The following KCNQ3 variants were observed in gnomAD, a reference collection of about 807,000 sequenced individuals.
KCNQ3 encodes potassium voltage-gated channel subfamily KQT member 3.
Under a neutral mutation model 92.5 loss-of-function variants are expected in KCNQ3, and 30 were observed. The ratio of observed to expected loss-of-function variants is 0.32; its 90% CI spans 0.24 to 0.44. The LOEUF (loss-of-function observed/expected upper bound fraction) is 0.44. Among genes scored for constraint, KCNQ3 ranks in the 20% least tolerant of loss-of-function variants. The pLI, the probability that KCNQ3 is intolerant of heterozygous loss-of-function variation, is 1.00. For missense variants in KCNQ3, 913 were observed against 1,140.3 expected (o/e 0.80, Z 2.87); for synonymous variants, 450 against 468.8 (o/e 0.96, Z 0.52).
intron 1 of KCNQ3, among the ~76,000 whole-genome samples, chr8:132,228,602 T>C (rs1362948845): frequency 2.0e-5 from 3 of 152,156 alleles, no homozygotes; most frequent in Admixed American, 6.5e-5. Context: ...TTAATTTTTA[T>C]TGCTATCTGA....
At chr8:132,307,925 C>T (rs1413678101) in intron 1 of KCNQ3, among the ~76,000 whole-genome samples, 1 of 152,106 alleles carries the variant, frequency 6.6e-6, no homozygotes, top group African/African-American at 2.4e-5. Flanking sequence ...TCCCTGGTGA[C>T]AGAAATGTGT....
At chr8:132,370,295 G>A (rs564540387) in intron 1 of KCNQ3, among the ~76,000 whole-genome samples, 10 of 151,976 alleles carry the variant, frequency 6.6e-5, no homozygotes, top group South Asian at 2.1e-4. Context: ...TGCTCAATGC[G>A]TGCCTGCTAA....
intron 9 of KCNQ3, among the ~76,000 whole-genome samples, chr8:132,157,641 G>GTTTTA (rs1554624953): frequency 6.6e-6 from 1 of 151,452 alleles, no homozygotes; most frequent in Non-Finnish European, 1.5e-5. Flanking sequence ...TGTAACCTGT[G>GTTTTA]TTTTATTTTA....
intron 1 of KCNQ3, among the ~76,000 whole-genome samples, chr8:132,211,075 C>A (rs1813837425): frequency 6.6e-6 from 1 of 152,226 alleles, no homozygotes; most frequent in South Asian, 2.1e-4. Flanking sequence ...AGTGTGTCTT[C>A]CATGTACTCC....
intron 1 of KCNQ3, among the ~76,000 whole-genome samples, chr8:132,296,850 A>G (rs1203187263): frequency 4.6e-5 from 7 of 151,904 alleles, no homozygotes; most frequent in African/African-American, 1.5e-4. Flanking sequence ...CAATAAACAT[A>G]CGTGTGCATG....
intron 1 of KCNQ3, among the ~76,000 whole-genome samples, chr8:132,471,311 C>G (rs1386292958): frequency 6.6e-6 from 1 of 152,122 alleles, no homozygotes; most frequent in Non-Finnish European, 1.5e-5. Flanking sequence ...TGTGCCAGTT[C>G]AGTAGCTTTA....
chr8:132,419,915 G>T lies in KCNQ3; in HGVS notation c.386+60232C>A, dbSNP rs186760798. On this transcript the variant is annotated intron_variant, in intron 1 of 14. Coordinates refer to ENST00000388996, the MANE Select transcript of KCNQ3 (RefSeq NM_004519.4). ...CATCTCTTAAAGGATAAAACGAACA[G>T]CACTCCCACGTTGGAATACATGGGT... Among the ~76,000 whole-genome samples the T allele has an allele frequency of 2.0e-5, 3 of 152,290 alleles. No individual in the cohort carries two copies. In the East Asian group the frequency reaches 5.8e-4, roughly 29 times the overall value.
At chr8:132,220,821 T>C (rs7464877) in intron 1 of KCNQ3, among the ~76,000 whole-genome samples, 107,811 of 150,204 alleles carry the variant, frequency 0.72, 38,971 homozygotes, top group African/African-American at 0.82. Flanking sequence ...CTTTTTTTTA[T>C]TTTTTTTATT....
chr8:132,339,141 C>T (rs1019614753), intron 1 of KCNQ3, among the ~76,000 whole-genome samples: 5 of 152,140 alleles, frequency 3.3e-5, no homozygotes, highest in Non-Finnish European at 5.9e-5. Context: ...GGCCTCAGGT[C>T]AATCTATTCC....
rs1824759355 is a variant in KCNQ3 at position 132,129,025 on chromosome 8, A to T, written c.*237T>A. On this transcript the variant is annotated 3_prime_UTR_variant, in exon 15 of 15. Coordinates refer to ENST00000388996, the MANE Select transcript of KCNQ3 (RefSeq NM_004519.4). This position sits in a 1 kb window ranked among gnomAD's most constrained non-coding sequence, Gnocchi z 5.9. The stretch of plus-strand genomic sequence containing the variant: ...ATAAATGTGTATCCTAGAAGAGATT[A>T]GCGGAACCATTTATATAGTGTAAAG... 4 of 576,660 alleles carry T rather than the reference A, an allele frequency of 6.9e-6. No homozygotes were observed. Among genetic ancestry groups the T allele is most frequent in the Non-Finnish European group, 1.2e-5 (4 of 323,308 alleles). The allele number at this position is 576,660 out of a possible 1,614,324, so 35.7% of individuals were successfully genotyped here.
At chr8:132,268,463 T>G (rs1816057069) in intron 1 of KCNQ3, among the ~76,000 whole-genome samples, 1 of 152,168 alleles carries the variant, frequency 6.6e-6, no homozygotes, top group South Asian at 2.1e-4. Flanking sequence ...GTCACCATAT[T>G]GACCAGGCTG....
At chr8:132,338,279 A>G (rs546774282) in intron 1 of KCNQ3, among the ~76,000 whole-genome samples, 1 of 152,268 alleles carries the variant, frequency 6.6e-6, no homozygotes, top group East Asian at 1.9e-4. Flanking sequence ...ACTGAAATTA[A>G]ACACCCAGGT....
chr8:132,441,419 T>G (rs551425471), intron 1 of KCNQ3, among the ~76,000 whole-genome samples: 19 of 152,164 alleles, frequency 1.2e-4, no homozygotes, highest in Admixed American at 1.1e-3. Flanking sequence ...CCAGGCGCGG[T>G]GGCAGGCACC....
At position 132,408,977 on chromosome 8, in the gene KCNQ3, C is replaced by T. The variant is rs1209616848; in HGVS notation, c.386+71170G>A. On this transcript the variant is annotated intron_variant, in intron 1 of 14. Transcript: ENST00000388996. ...TGAGACTCTTGAGTGGAGAACACAG[C>T]TATACCATGTGAGGACTTCTGACCT... is the stretch of plus-strand genomic sequence containing the variant. 3.3e-5 allele frequency among the ~76,000 whole-genome samples: 5 copies of T among 152,198 alleles called. No homozygotes were observed. The East Asian group carries it at 9.6e-4, about 29-fold the overall frequency.
chr8:132,272,700 T>C (rs1008998653), intron 1 of KCNQ3, among the ~76,000 whole-genome samples: 3 of 152,130 alleles, frequency 2.0e-5, no homozygotes, highest in Admixed American at 1.3e-4. Context: ...ACTTATTCAC[T>C]ATCAAGGGAA....
rs568849027 is a variant in KCNQ3 at position 132,372,144 on chromosome 8, C to T, written c.386+108003G>A. ...GCCCCATCTCCAGCAGGGGAACATCCGCAGCCCTTTAATGGCTTCCTCTGG... is the reference window on the plus strand; with the variant it reads ...GCCCCATCTCCAGCAGGGGAACATCTGCAGCCCTTTAATGGCTTCCTCTGG... On this transcript the variant is annotated intron_variant, in intron 1 of 14. Transcript: ENST00000388996. Among the ~76,000 whole-genome samples the T allele has an allele frequency of 1.4e-4, 22 of 152,266 alleles. 1 individual carries two copies. The highest frequency in any genetic ancestry group is 5.1e-4 in the African/African-American group (21 of 41,556).
chr8:132,299,098 T>C (rs978654815), intron 1 of KCNQ3, among the ~76,000 whole-genome samples: 1 of 151,594 alleles, frequency 6.6e-6, no homozygotes, highest in Non-Finnish European at 1.5e-5. Flanking sequence ...AGTTTCTTTT[T>C]TTTTTCTTGG....
intron 1 of KCNQ3, among the ~76,000 whole-genome samples, chr8:132,296,127 A>G (rs1817013944): frequency 6.6e-6 from 1 of 152,326 alleles, no homozygotes; most frequent in South Asian, 2.1e-4. Context: ...GCCTACTTTA[A>G]TATGTTCCAA....
At position 132,138,593 on chromosome 8, in the gene KCNQ3, TG is replaced by T. The variant is rs1206884624; in HGVS notation, c.1569-578del. 3.3e-5 allele frequency among the ~76,000 whole-genome samples: 5 copies of T among 152,300 alleles called. No individual in the cohort carries two copies. The East Asian group carries it at 9.7e-4, about 29-fold the overall frequency. On this transcript the variant is annotated intron_variant, in intron 11 of 14. Transcript: ENST00000388996. The stretch of plus-strand genomic sequence containing the variant: ...GAGTTTTCTCAGGTTCCTTATAAAG[TG>T]GGGCACCCAGAACTGGTAGATGAAA...
Sources: allele counts gnomAD v4.1 joint callset (sites outside exome capture counted in the v4.1 genomes callset), GRCh38; gene constraint gnomAD v4.1.1; non-coding constraint Gnocchi (gnomAD v3.1); transcripts MANE v1.5; gene names NCBI Gene and HGNC (gene_info 2026-07-23, HGNC 2026-07-21).